ADGRV1: variants seen among roughly 807,000 people sequenced by gnomAD.
The protein encoded by ADGRV1 is G-protein coupled receptor 98.
ADGRV1 carries 359 observed loss-of-function variants against 596.2 expected under a neutral mutation model. The observed-to-expected ratio is 0.60, with a 90% CI of 0.55 to 0.66. The LOEUF is 0.66. ADGRV1 is among the 30% of genes least tolerant of loss of function. ADGRV1 has a pLI of 0.00. For synonymous variants in ADGRV1, 2,681 were observed against 2,679.2 expected (o/e 1.00, Z -0.02); for missense variants, 7,274 against 7,575.6 (o/e 0.96, Z 1.48).
chr5:91,045,189 G>A (rs1210555209), intron 85 of ADGRV1, among the ~76,000 whole-genome samples: 3 of 152,108 alleles, frequency 2.0e-5, no homozygotes, highest in Non-Finnish European at 4.4e-5. Flanking sequence ...ATCATTCTAT[G>A]AAGCCAGTGT....
intron 85 of ADGRV1, among the ~76,000 whole-genome samples, chr5:91,056,067 G>C (rs746002128): frequency 6.6e-6 from 1 of 152,156 alleles, no homozygotes; most frequent in Non-Finnish European, 1.5e-5. Context: ...GTCGGTTGGC[G>C]AGAGGTTAGG....
chr5:90,609,110 AG>A (rs763706500), intron 1 of ADGRV1, among the ~76,000 whole-genome samples: 99 of 152,004 alleles, frequency 6.5e-4, no homozygotes, highest in Non-Finnish European at 1.0e-3. Flanking sequence ...TGTCTTCTGT[AG>A]GAATACATAT....
chr5:91,075,400 A>G (rs1788765064), intron 86 of ADGRV1, among the ~76,000 whole-genome samples: 1 of 152,190 alleles, frequency 6.6e-6, no homozygotes, highest in African/African-American at 2.4e-5. Flanking sequence ...TTGAATGCCT[A>G]AATCACCCCT....
chr5:90,776,588 A>C lies in ADGRV1; in HGVS notation c.12527+12A>C, dbSNP rs199654113. On this transcript the variant is annotated intron_variant, in intron 61 of 89. Transcript: ENST00000405460. The stretch of plus-strand genomic sequence containing the variant: ...ACCGCTATTATCAGGTAAGGACTTC[A>C]TGATTTTTCTTTGCCTATATGGGGG... The C allele has an allele frequency of 6.8e-6, 11 of 1,613,098 alleles. No individual in the cohort carries two copies. The highest frequency in any genetic ancestry group is 2.2e-5 in the South Asian group (2 of 91,054).
At chr5:90,582,458 CCTT>C (rs1230660944) in intron 1 of ADGRV1, among the ~76,000 whole-genome samples, 1 of 152,052 alleles carries the variant, frequency 6.6e-6, no homozygotes, top group Non-Finnish European at 1.5e-5. Flanking sequence ...CTTTCATTGT[CCTT>C]CTTAACTTTT....
intron 21 of ADGRV1, among the ~76,000 whole-genome samples, chr5:90,671,141 G>C (rs1772407083): frequency 6.6e-6 from 1 of 152,212 alleles, no homozygotes; most frequent in South Asian, 2.1e-4. Flanking sequence ...TGTCCATCAG[G>C]ATGCAGTGTG....
intron 1 of ADGRV1, among the ~76,000 whole-genome samples, chr5:90,594,500 T>TG (rs1432675964): frequency 7.5e-6 from 1 of 133,702 alleles, no homozygotes; most frequent in African/African-American, 3.6e-5. Flanking sequence ...TTTTTTTTTT[T>TG]TTTTTTAATC....
At chr5:90,611,665 G>C (rs534273761) in intron 1 of ADGRV1, among the ~76,000 whole-genome samples, 2 of 151,968 alleles carry the variant, frequency 1.3e-5, no homozygotes, top group Non-Finnish European at 2.9e-5. Context: ...TCATTTTATA[G>C]AGAAGTTTAA....
chr5:90,694,017 C>T lies in ADGRV1; in HGVS notation c.7261C>T (p.Pro2421Ser), dbSNP rs1746838461. The T allele has an allele frequency of 1.9e-6, 3 of 1,613,678 alleles. No individual in the cohort carries two copies. The highest frequency in any genetic ancestry group is 2.5e-6 in the Non-Finnish European group (3 of 1,179,774). Reference protein sequence around the residue: ...YESPIQGVPDPLWRTWMNVSA... With the variant: ...YESPIQGVPDSLWRTWMNVSA... ...ATCTCCAATTCAAGGGGTGCCTGAC[C>T]CACTTTGGAGAACTTGGATGAATGT... The change falls in exon 33 of 90, where the codon CCA becomes TCA. Residue 2421 changes from proline to serine, a missense_variant. Coordinates refer to ENST00000405460, the MANE Select transcript of ADGRV1 (RefSeq NM_032119.4).
chr5:90,571,489 T>A (rs1336678805), intron 1 of ADGRV1, among the ~76,000 whole-genome samples: 15 of 152,296 alleles, frequency 9.8e-5, no homozygotes, highest in African/African-American at 3.1e-4. Context: ...GTCTTTCCTT[T>A]TAAGCTTTTA....
chr5:90,805,499 G>A, intron 72 of ADGRV1, 41 bp downstream of exon 72: 1 of 1,475,080 alleles, frequency 6.8e-7, no homozygotes, highest in South Asian at 1.4e-5. Context: ...GTAGAATATT[G>A]GAAGGATATC....
intron 25 of ADGRV1, among the ~76,000 whole-genome samples, chr5:90,677,605 A>T (rs1744401289): frequency 6.6e-6 from 1 of 152,240 alleles, no homozygotes. Flanking sequence ...ATAATTGTAC[A>T]TGAAATGTTA....
Position 90,576,688 on chromosome 5 carries a change from C to T in ADGRV1, c.22+17771C>T, listed in dbSNP as rs147864699. 2.8e-3 allele frequency among the ~76,000 whole-genome samples: 428 copies of T among 152,340 alleles called. 3 individuals are homozygous for T. Among genetic ancestry groups the T allele is most frequent in the Admixed American group, 8.4e-3 (128 of 15,298 alleles). ...GTTCTAGATGCTTGAGGAATCGCCA[C>T]ATTGTCTTCCACAATGGTTGAATTA... On this transcript the variant is annotated intron_variant, in intron 1 of 89. Transcript: ENST00000405460.
chr5:91,065,694 A>C (rs1255698572), intron 85 of ADGRV1, among the ~76,000 whole-genome samples: 3 of 152,222 alleles, frequency 2.0e-5, no homozygotes, highest in African/African-American at 7.2e-5. Context: ...AAATTGGGTA[A>C]CGCAAGTGAA....
chr5:90,666,803 C>A (rs1016350813), intron 21 of ADGRV1, among the ~76,000 whole-genome samples: 2 of 151,468 alleles, frequency 1.3e-5, no homozygotes, highest in African/African-American at 2.4e-5. Context: ...TAGGACAGGC[C>A]TGGTGGTGAC....
At chr5:90,808,722 C>G (rs1456772062) in intron 73 of ADGRV1, among the ~76,000 whole-genome samples, 1 of 152,134 alleles carries the variant, frequency 6.6e-6, no homozygotes, top group Non-Finnish European at 1.5e-5. Flanking sequence ...TGGCAAAACC[C>G]CATCTCTACT....
At position 90,985,492 on chromosome 5, in the gene ADGRV1, C is replaced by T; in HGVS notation, c.18122C>T (p.Ser6041Leu). ...AAAGGAATCTATCATCAGAGCATGT[C>T]ACAGATCTATGGACTCATTCATGGT... is the stretch of plus-strand genomic sequence containing the variant. The part of the protein sequence containing the change: ...ILKGIYHQSM[S>L]QIYGLIHGDL... The change falls in exon 85 of 90, where the codon TCA becomes TTA. Residue 6041 changes from serine (S) to leucine (L), a missense_variant. By Grantham distance (145) the Ser-to-Leu change is moderately radical. Transcript: ENST00000405460. 3.7e-6 allele frequency: 6 copies of T among 1,613,782 alleles called. No homozygotes were observed. The highest frequency in any genetic ancestry group is 5.1e-6 in the Non-Finnish European group (6 of 1,179,740).
chr5:90,919,124 T>C (rs1414507118), intron 83 of ADGRV1, among the ~76,000 whole-genome samples: 1 of 152,254 alleles, frequency 6.6e-6, no homozygotes, highest in Non-Finnish European at 1.5e-5. Flanking sequence ...TTCTAGTTTT[T>C]AATATTTTCC....
chr5:90,621,888 G>C (rs1178890015), intron 4 of ADGRV1, among the ~76,000 whole-genome samples: 2 of 152,116 alleles, frequency 1.3e-5, no homozygotes, highest in Non-Finnish European at 2.9e-5. Context: ...CAGGTACTAG[G>C]ATAAGCACTT....
Sources: gnomAD v4.1 joint callset for allele counts (sites outside exome capture counted in the v4.1 genomes callset) on GRCh38, gnomAD v4.1.1 for gene constraint, MANE v1.5 for transcripts, NCBI Gene and HGNC (gene_info 2026-07-23, HGNC 2026-07-21) for gene names.